The following MYBL2 variants were observed in gnomAD, a reference collection of about 807,000 sequenced individuals.
The protein encoded by MYBL2 is myb-related protein B.
Under a neutral mutation model 79.9 loss-of-function variants are expected in MYBL2, and 28 were observed. That is an observed-to-expected ratio of 0.35 (90% CI 0.26 to 0.48). The LOEUF (loss-of-function observed/expected upper bound fraction) is 0.48. Ranked by LOEUF, MYBL2 falls within the 20% of genes least tolerant of loss-of-function variation. The probability of loss-of-function intolerance (pLI) is 0.99; values close to 1 mark genes in which losing one functional copy is unlikely to be tolerated. For synonymous variants in MYBL2, 378 were observed against 361.2 expected, an observed-to-expected ratio of 1.05 and a Z score of -0.53; for missense variants, 735 against 893.9, an observed-to-expected ratio of 0.82 and a Z score of 2.27.
Position 43,699,973 on chromosome 20 carries a change from G to T in MYBL2, c.880G>T (p.Val294Leu). ...AACGAGCCTGCCTTACAAGTGGGTG[G>T]TGGAGGCAGCTAACCTCCTCATCCC... The part of the protein sequence containing the change: ...PETSLPYKWV[V>L]EAANLLIPAV... The change falls in exon 7 of 14, where the codon GTG becomes TTG. Residue 294 changes from valine (V) to leucine (L), a missense_variant. By Grantham distance (32) the Val-to-Leu change is conservative (BLOSUM62 1). Transcript: ENST00000217026. The T allele has an allele frequency of 6.2e-7, 1 of 1,614,178 alleles. No individual in the cohort carries two copies. Among genetic ancestry groups the T allele is most frequent in the Non-Finnish European group, 8.5e-7 (1 of 1,180,032 alleles).
At chr20:43,677,030 C>T (rs1987027226) in intron 2 of MYBL2, among the ~76,000 whole-genome samples, 1 of 152,176 alleles carries the variant, frequency 6.6e-6, no homozygotes, top group Non-Finnish European at 1.5e-5. Context: ...AGGCAGAAGC[C>T]ACCATGACTA....
intron 1 of MYBL2, among the ~76,000 whole-genome samples, chr20:43,668,340 T>A (rs285203): frequency 0.81 from 122,981 of 151,728 alleles, 50,489 homozygotes; most frequent in Non-Finnish European, 0.88. Flanking sequence ...AGCTGGGACT[T>A]CAGGCACGTG....
chr20:43,711,658 G>A (rs927409709), intron 11 of MYBL2, 57 bp downstream of exon 11: 33 of 1,491,006 alleles, frequency 2.2e-5, no homozygotes, highest in South Asian at 3.6e-5. Context: ...CGTGGCATGG[G>A]GGAGGCGTCT....
chr20:43,676,871 G>A (rs1419997929), intron 2 of MYBL2, among the ~76,000 whole-genome samples: 2 of 150,990 alleles, frequency 1.3e-5, no homozygotes, highest in Non-Finnish European at 2.9e-5. Context: ...TTTAATTTTA[G>A]GATTGGGTTT....
At chr20:43,667,370 A>C in intron 1 of MYBL2, 67 bp downstream of exon 1, 1 of 1,071,454 alleles carries the variant, frequency 9.3e-7, no homozygotes, top group Non-Finnish European at 1.2e-6. Context: ...CCACCCAGAT[A>C]CCCCCGACCC....
Position 43,702,676 on chromosome 20 carries a change from G to T in MYBL2, c.1138G>T (p.Asp380Tyr). The change falls in exon 8 of 14, where the codon GAC (aspartate) becomes TAC (tyrosine). Residue 380 changes from aspartate to tyrosine, a missense_variant. This residue lies in a region of MYBL2 where 243 missense variants were observed against 327.2 expected (regional missense o/e 0.74). Transcript: ENST00000217026. ...EYRLDGHTIS[D>Y]LSRSSRGELI... The stretch of plus-strand genomic sequence containing the variant: ...CCGCCTGGATGGCCACACCATCTCA[G>T]ACCTGAGCCGGAGCAGCCGGGGCGA... The T allele has an allele frequency of 1.2e-6, 2 of 1,613,974 alleles. No homozygotes were observed.
rs1481027902 is a variant in MYBL2, at chr20:43,673,899, G to C, written c.114G>C (p.Glu38Asp). 1 of 1,551,802 alleles carries C rather than the reference G, an allele frequency of 6.4e-7. No homozygotes were observed. Among genetic ancestry groups the C allele is most frequent in the East Asian group, 2.4e-5 (1 of 40,914 alleles). Residue 38 changes from glutamate to aspartate, a missense_variant and splice_region_variant, in exon 2 of 14, where the codon GAG becomes GAC. Physicochemically the swap from Glu to Asp is conservative, Grantham distance 45. Transcript: ENST00000217026. ...GCAAGGTCAAATGGACCCATGAGGA[G>C]GTGAGTGCCATGGGGAAGAGAGGGT... ...SKCKVKWTHEEDEQLRALVRQ... is the reference protein window; with the variant it reads ...SKCKVKWTHEDDEQLRALVRQ...
intron 10 of MYBL2, 67 bp from the exon 11 acceptor site, chr20:43,711,421 C>A: frequency 7.5e-7 from 1 of 1,326,504 alleles, no homozygotes; most frequent in East Asian, 2.5e-5. Context: ...TGGGTTGGTC[C>A]CACAGTCCCA....
intron 6 of MYBL2, 143 bp downstream of exon 6, chr20:43,692,462 C>T (rs1987436350): frequency 1.0e-6 from 1 of 980,062 alleles, no homozygotes; most frequent in South Asian, 1.7e-5. Context: ...CCTTGTGAGA[C>T]TTCTGCACAT....
At chr20:43,685,877 A>C (rs1245461502) in intron 4 of MYBL2, among the ~76,000 whole-genome samples, 1 of 151,992 alleles carries the variant, frequency 6.6e-6, no homozygotes, top group East Asian at 1.9e-4. Flanking sequence ...GTCTCTACTA[A>C]AAATACAAAA....
chr20:43,713,104 T>G lies in MYBL2; in HGVS notation c.1822T>G (p.Leu608Val), dbSNP rs537050949. Residue 608 changes from leucine to valine, a missense_variant and splice_region_variant, in exon 12 of 14, where the codon TTG becomes GTG. By Grantham distance (32) the Leu-to-Val change is conservative. Coordinates refer to ENST00000217026, the MANE Select transcript of MYBL2 (RefSeq NM_002466.4). ...GTCCACACTGCCCAAGTCTCTATCC[T>G]TGGTAAGGCTTCTGCTCCTTGGAAC... ...MMSTLPKSLS[L>V]PTTAPSNSSS... is the part of the protein sequence containing the mutation. The G allele has an allele frequency of 6.2e-6, 10 of 1,610,360 alleles. No individual in the cohort carries two copies. Among genetic ancestry groups the G allele is most frequent in the East Asian group, 2.2e-5 (1 of 44,866 alleles).
chr20:43,681,772 T>G lies in MYBL2; in HGVS notation c.115-12T>G. ...TATGTGTGCTGAGCCCCTGTCTTTC[T>G]GGTGTTGGCAGGACGAGCAGCTGAG... On this transcript the variant is annotated splice_polypyrimidine_tract_variant and intron_variant, in intron 2 of 13. Coordinates refer to ENST00000217026, the MANE Select transcript of MYBL2 (RefSeq NM_002466.4). The G allele has an allele frequency of 1.2e-6, 2 of 1,614,194 alleles. No individual in the cohort carries two copies. Among genetic ancestry groups the G allele is most frequent in the Non-Finnish European group, 1.7e-6 (2 of 1,180,008 alleles).
At position 43,697,914 on chromosome 20, in the gene MYBL2, C is replaced by CAAA. The variant is rs58049554; in HGVS notation, c.664-1827_664-1825dup. 6.0e-4 allele frequency among the ~76,000 whole-genome samples: 60 copies of CAAA among 99,526 alleles called. 2 individuals are homozygous for CAAA. The highest frequency in any genetic ancestry group is 1.8e-3 in the African/African-American group (51 of 28,204). The allele number at this position is 99,526 out of a possible 152,430, so 65.3% of individuals were successfully genotyped here. On this transcript the variant is annotated intron_variant, in intron 6 of 13. Coordinates refer to ENST00000217026, the MANE Select transcript of MYBL2 (RefSeq NM_002466.4). ...TGGGCAACAGAGTGAGACTCCATCTCAAAAAAAAAAAAAAAAAATTGCGTG... is the reference window on the plus strand; with the variant it reads ...TGGGCAACAGAGTGAGACTCCATCTCAAAAAAAAAAAAAAAAAAAAATTGCGTG...
Position 43,673,623 on chromosome 20 carries a change from G to A in MYBL2, c.21-183G>A, listed in dbSNP as rs938291675. 1.4e-5 allele frequency: 10 copies of A among 691,096 alleles called. No homozygotes were observed. The African/African-American group carries it at 1.7e-4, about 12-fold the overall frequency. The allele number at this position is 691,096 out of a possible 1,614,324, so 42.8% of individuals were successfully genotyped here. A position where few individuals can be genotyped will look rare whatever the true frequency, so the allele number is the denominator to read the frequency against. On this transcript the variant is annotated intron_variant, in intron 1 of 13. Coordinates refer to ENST00000217026, the MANE Select transcript of MYBL2 (RefSeq NM_002466.4). The stretch of plus-strand genomic sequence containing the variant: ...CACTGAATTCCAGCCCAGTGACAGA[G>A]TGAGACCCTGTCTCAATAAAAATAA...
chr20:43,675,471 G>C (rs538580865), intron 2 of MYBL2, among the ~76,000 whole-genome samples: 1 of 152,062 alleles, frequency 6.6e-6, no homozygotes, highest in African/African-American at 2.4e-5. Flanking sequence ...CCGCCATCAT[G>C]CCCAGCTAAT....
chr20:43,673,510 C>T (rs555402490), intron 1 of MYBL2, among the ~76,000 whole-genome samples: 108 of 151,752 alleles, frequency 7.1e-4, no homozygotes, highest in African/African-American at 2.5e-3. Flanking sequence ...GGTGGCATAC[C>T]CCTGTAGTCA....
In MYBL2 at chr20:43,690,394, C is replaced by T. The variant is rs553529382; in HGVS notation, c.501-1763C>T. Among the ~76,000 whole-genome samples, 56 of 152,074 alleles carry T rather than the reference C, an allele frequency of 3.7e-4. 1 individual carries two copies. Among genetic ancestry groups the T allele is most frequent in the African/African-American group, 1.2e-3 (51 of 41,492 alleles). On this transcript the variant is annotated intron_variant, in intron 5 of 13. Transcript: ENST00000217026. ...CTAATTTTTGTATTTTTGGTAGAGA[C>T]GGGATTTCACCATGTTGGCCAGGCT...
chr20:43,678,445 T>G lies in MYBL2; in HGVS notation c.115-3339T>G, dbSNP rs958702852. On this transcript the variant is annotated intron_variant, in intron 2 of 13. Coordinates refer to ENST00000217026, the MANE Select transcript of MYBL2 (RefSeq NM_002466.4). ...TCAATGCAGAGCCAGGTTAGCTTGG[T>G]TTTTGGATTGTTTTTTCTAACTCTG... is the stretch of plus-strand genomic sequence containing the variant. Among the ~76,000 whole-genome samples, 6 of 152,104 alleles carry G rather than the reference T, an allele frequency of 3.9e-5. 1 individual carries two copies. The highest frequency in any genetic ancestry group is 3.9e-4 in the Admixed American group (6 of 15,260).
intron 2 of MYBL2, among the ~76,000 whole-genome samples, chr20:43,676,448 G>T (rs968983942): frequency 6.6e-6 from 1 of 152,104 alleles, no homozygotes; most frequent in Admixed American, 6.6e-5. Flanking sequence ...GAAATCATAC[G>T]GTTACATTCT....
Sources: gnomAD v4.1 joint callset for allele counts (sites outside exome capture counted in the v4.1 genomes callset) on GRCh38, gnomAD v4.1.1 for gene constraint, gnomAD v4.1.1 regional missense constraint, MANE v1.5 for transcripts, NCBI Gene and HGNC (gene_info 2026-07-23, HGNC 2026-07-21) for gene names.